VPS13A: variants seen among roughly 807,000 people sequenced by gnomAD.
VPS13A encodes the protein intermembrane lipid transfer protein VPS13A.
Under a neutral mutation model 390.9 loss-of-function variants are expected in VPS13A, and 264 were observed. That is an observed-to-expected ratio of 0.68 (90% CI 0.61 to 0.75). The LOEUF (loss-of-function observed/expected upper bound fraction) is 0.75, where lower values mean the gene tolerates loss of function less well. Ranked by LOEUF, VPS13A falls within the 30% of genes least tolerant of loss-of-function variation. The probability of loss-of-function intolerance (pLI) is 0.00; values close to 1 mark genes in which losing one functional copy is unlikely to be tolerated. For synonymous variants in VPS13A, 1,231 were observed against 1,227.1 expected (o/e 1.00, Z -0.07); for missense variants, 3,409 against 3,733.9 (o/e 0.91, Z 2.27).
intron 1 of VPS13A, among the ~76,000 whole-genome samples, chr9:77,190,506 G>A (rs1824608962): frequency 6.6e-6 from 1 of 152,152 alleles, no homozygotes; most frequent in East Asian, 1.9e-4. Context: ...TTGCATTTAT[G>A]TTAATCAGGG....
intron 50 of VPS13A, 200 bp downstream of exon 50, chr9:77,340,750 G>T (rs1437090170): frequency 6.8e-6 from 4 of 591,708 alleles, no homozygotes; most frequent in Non-Finnish European, 1.2e-5. Flanking sequence ...AACTAGGAAT[G>T]CCCAGCTTGT....
chr9:77,382,047 C>G lies in VPS13A; in HGVS notation c.9149C>G (p.Pro3050Arg), dbSNP rs201107739. The G allele has an allele frequency of 2.5e-6, 4 of 1,608,008 alleles. No homozygotes were observed. The East Asian group carries it at 9.0e-5, about 36-fold the overall frequency. Residue 3050 changes from proline to arginine, a missense_variant, in exon 68 of 72, where the codon CCG becomes CGG. Transcript: ENST00000360280. ...RFFNEDGVIR[P>R]YRLRDGTGNQ... ...TTCAATGAAGATGGAGTTATCAGACCGTACAGGTTGAGGGATGGGACTGGA... is the reference window on the plus strand; with the variant it reads ...TTCAATGAAGATGGAGTTATCAGACGGTACAGGTTGAGGGATGGGACTGGA...
chr9:77,382,858 A>C (rs1481903774), intron 68 of VPS13A: 1 of 985,346 alleles, frequency 1.0e-6, no homozygotes, highest in Non-Finnish European at 1.2e-6. Flanking sequence ...GAATCTGCTT[A>C]GACAACTTTC....
At chr9:77,340,579 T>C in intron 50 of VPS13A, 29 bp downstream of exon 50, 1 of 1,610,600 alleles carries the variant, frequency 6.2e-7, no homozygotes, top group Non-Finnish European at 8.5e-7. Context: ...AAAATATACC[T>C]CTTTGGATTC....
chr9:77,408,313 G>A (rs1211298047), intron 71 of VPS13A, among the ~76,000 whole-genome samples: 1 of 152,220 alleles, frequency 6.6e-6, no homozygotes, highest in Non-Finnish European at 1.5e-5. Context: ...TAAGAGGGTG[G>A]AGCCAAGATG....
intron 68 of VPS13A, among the ~76,000 whole-genome samples, chr9:77,395,268 ATTG>A (rs1834076396): frequency 6.6e-6 from 1 of 152,108 alleles, no homozygotes; most frequent in Non-Finnish European, 1.5e-5. Flanking sequence ...TAATTTCAAT[ATTG>A]TTGTTTCTCA....
At chr9:77,203,896 A>T (rs137941119) in intron 3 of VPS13A, among the ~76,000 whole-genome samples, 1 of 152,256 alleles carries the variant, frequency 6.6e-6, no homozygotes, top group East Asian at 1.9e-4. Context: ...TTTAGAAATC[A>T]GATAGTTTAG....
intron 52 of VPS13A, among the ~76,000 whole-genome samples, chr9:77,350,642 T>A (rs1200751609): frequency 6.6e-6 from 1 of 152,188 alleles, no homozygotes; most frequent in Non-Finnish European, 1.5e-5. Context: ...AGTAACATTT[T>A]TATTTTCTTG....
chr9:77,348,793 G>A (rs144402580), intron 52 of VPS13A, among the ~76,000 whole-genome samples: 1,559 of 152,258 alleles, frequency 0.01, 17 homozygotes, highest in Non-Finnish European at 0.016. Flanking sequence ...ATAGTCTGAG[G>A]ACTATGGTTA....
intron 1 of VPS13A, among the ~76,000 whole-genome samples, chr9:77,189,401 C>A (rs1199647264): frequency 6.6e-6 from 1 of 151,976 alleles, no homozygotes; most frequent in African/African-American, 2.4e-5. Flanking sequence ...TTGTTAAAAT[C>A]AGATGGTTGT....
In VPS13A at chr9:77,416,900, C is replaced by T. The variant is rs1483478471; in HGVS notation, c.*894C>T. The stretch of plus-strand genomic sequence containing the variant: ...TGTATTATGCTTCCAACAGACAGTC[C>T]CTCTCATATAAAGTTTATGTACCCT... On this transcript the variant is annotated 3_prime_UTR_variant, in exon 72 of 72. Transcript: ENST00000360280. 1.3e-5 allele frequency: 2 copies of T among 152,634 alleles called. No homozygotes were observed. Among genetic ancestry groups the T allele is most frequent in the Middle Eastern group, 3.4e-3 (1 of 294 alleles). The allele number at this position is 152,634 out of a possible 1,614,324, so 9.5% of individuals were successfully genotyped here.
intron 17 of VPS13A, among the ~76,000 whole-genome samples, chr9:77,232,974 T>C (rs1268255255): frequency 6.6e-6 from 1 of 152,200 alleles, no homozygotes; most frequent in African/African-American, 2.4e-5. Flanking sequence ...TAAAAGGTTA[T>C]AGTAAGTTTT....
intron 1 of VPS13A, among the ~76,000 whole-genome samples, chr9:77,189,336 G>A (rs1275963576): frequency 6.6e-6 from 1 of 151,944 alleles, no homozygotes; most frequent in Non-Finnish European, 1.5e-5. Context: ...GTGGCTGGCC[G>A]TTATCTCCAC....
At chr9:77,238,672 TC>T (rs1320462804) in intron 19 of VPS13A, among the ~76,000 whole-genome samples, 1 of 152,206 alleles carries the variant, frequency 6.6e-6, no homozygotes, top group African/African-American at 2.4e-5. Flanking sequence ...CCTCTCGTTT[TC>T]CTTTCTTAGA....
intron 45 of VPS13A, among the ~76,000 whole-genome samples, chr9:77,327,556 T>C (rs892341526): frequency 6.6e-6 from 1 of 151,992 alleles, no homozygotes; most frequent in African/African-American, 2.4e-5. Context: ...TATAGAAAGA[T>C]TATAAGATAA....
In VPS13A at chr9:77,412,867, A is replaced by C. The variant is rs568487319; in HGVS notation, c.9475-3089A>C. ...AGAAAACCCCATCGTCTCAGCCCCA[A>C]ATCTCCTTAAGCTGATAGGCAACTT... On this transcript the variant is annotated intron_variant, in intron 71 of 71. Transcript: ENST00000360280. Among the ~76,000 whole-genome samples, 78 of 152,306 alleles carry C rather than the reference A, an allele frequency of 5.1e-4. 1 individual carries two copies. The East Asian group carries it at 0.014, about 28-fold the overall frequency.
At chr9:77,277,913 C>T (rs1298474763) in intron 26 of VPS13A, among the ~76,000 whole-genome samples, 1 of 152,132 alleles carries the variant, frequency 6.6e-6, no homozygotes, top group Non-Finnish European at 1.5e-5. Context: ...CATAAATTTT[C>T]AGTTTCACTG....
chr9:77,343,585 A>C (rs940960083), intron 50 of VPS13A, among the ~76,000 whole-genome samples: 2 of 152,068 alleles, frequency 1.3e-5, no homozygotes, highest in East Asian at 3.9e-4. Context: ...ACTATCTCCT[A>C]TTCTTTTAGT....
intron 69 of VPS13A, among the ~76,000 whole-genome samples, 169 bp downstream of exon 69, chr9:77,403,490 T>A (rs1265760249): frequency 6.6e-6 from 1 of 152,220 alleles, no homozygotes. Context: ...CCTGCATAGC[T>A]TTGTGCATGC....
Sources: allele counts gnomAD v4.1 joint callset (sites outside exome capture counted in the v4.1 genomes callset), GRCh38; gene constraint gnomAD v4.1.1; transcripts MANE v1.5; gene names NCBI Gene and HGNC (gene_info 2026-07-23, HGNC 2026-07-21).